SLC25A48: variants seen among roughly 807,000 people sequenced by gnomAD.
The protein encoded by SLC25A48 is CTC-321K16.1.
SLC25A48 carries 29 observed loss-of-function variants against 32.2 expected under a neutral mutation model. The ratio of observed to expected loss-of-function variants is 0.90; its 90% CI spans 0.67 to 1.23. The LOEUF is 1.23. Ranked by LOEUF, SLC25A48 falls within the 50% of genes most tolerant of loss-of-function variation. SLC25A48 has a pLI of 0.00. For missense variants in SLC25A48, 399 were observed against 422.7 expected (o/e 0.94, Z 0.49); for synonymous variants, 164 against 172.3 (o/e 0.95, Z 0.38).
chr5:135,603,483 G>C (rs1490044374), intron 1 of SLC25A48, among the ~76,000 whole-genome samples: 1 of 152,228 alleles, frequency 6.6e-6, no homozygotes, highest in African/African-American at 2.4e-5. Flanking sequence ...GTAGAATCCT[G>C]ATGAGGCAGG....
chr5:135,580,786 T>G (rs1432735650), intron 1 of SLC25A48, among the ~76,000 whole-genome samples: 1 of 152,176 alleles, frequency 6.6e-6, no homozygotes, highest in African/African-American at 2.4e-5. Context: ...GGTGAAATCT[T>G]CCCAAAGCAT....
At chr5:135,802,204 A>T (rs1184300793) in intron 3 of SLC25A48, among the ~76,000 whole-genome samples, 1 of 151,750 alleles carries the variant, frequency 6.6e-6, no homozygotes, top group African/African-American at 2.4e-5. Flanking sequence ...ACTATTCATT[A>T]TATCATAGGG....
At chr5:135,825,318 A>C (rs777445108) in intron 4 of SLC25A48, among the ~76,000 whole-genome samples, 1 of 152,250 alleles carries the variant, frequency 6.6e-6, no homozygotes, top group Non-Finnish European at 1.5e-5. Flanking sequence ...CCAAGGGCAC[A>C]TAGCTAGCAA....
At chr5:135,806,587 AT>A (rs1265689567) in intron 3 of SLC25A48, among the ~76,000 whole-genome samples, 3 of 149,668 alleles carry the variant, frequency 2.0e-5, no homozygotes, top group Admixed American at 2.0e-4. Context: ...AATATCATTG[AT>A]TTTTTAATAT....
rs57138043 is a variant in SLC25A48, at chr5:135,611,496, C to CAAAAAAAA, written c.-848-17717_-848-17710dup. Among the ~76,000 whole-genome samples the CAAAAAAAA allele has an allele frequency of 4.2e-3, 90 of 21,336 alleles. 1 individual carries two copies. Among genetic ancestry groups the CAAAAAAAA allele is most frequent in the Admixed American group, 7.1e-3 (7 of 990 alleles). The allele number at this position is 21,336 out of a possible 152,430, so 14.0% of individuals were successfully genotyped here. On this transcript the variant is annotated intron_variant, in intron 1 of 10. Coordinates refer to the SLC25A48 transcript ENST00000646290. Reference sequence around the variant, plus strand: ...TCGGTGACAGAGCGAGACTCCATCTCAAAAAAAAAAAAAAAAAAAAAAAAA... The same window carrying CAAAAAAAA: ...TCGGTGACAGAGCGAGACTCCATCTCAAAAAAAAAAAAAAAAAAAAAAAAAAAAAAAAA...
intron 3 of SLC25A48, among the ~76,000 whole-genome samples, chr5:135,804,764 C>T (rs978955371): frequency 2.6e-5 from 4 of 151,596 alleles, no homozygotes; most frequent in African/African-American, 9.7e-5. Context: ...CATAAGTGTA[C>T]ACCCTGTGAA....
intron 1 of SLC25A48, among the ~76,000 whole-genome samples, chr5:135,583,350 G>A (rs1751277890): frequency 6.6e-6 from 1 of 152,040 alleles, no homozygotes; most frequent in African/African-American, 2.4e-5. Context: ...AGGTGTCTGG[G>A]CACTACCTCC....
chr5:135,772,661 G>A lies in SLC25A48; in HGVS notation c.-520-39862G>A, dbSNP rs957896524. Among the ~76,000 whole-genome samples, 9 of 150,686 alleles carry A rather than the reference G, an allele frequency of 6.0e-5. No homozygotes were observed. In the Middle Eastern group the frequency reaches 0.011, roughly 181 times the overall value. ...GAGAAAATGATATTAATCCCAAATC[G>A]CCAAGGGTGTACACCTCCCTGTAAT... is the stretch of plus-strand genomic sequence containing the variant. On this transcript the variant is annotated intron_variant, in intron 3 of 10. Transcript: ENST00000646290.
At chr5:135,823,816 A>T (rs1757952917) in intron 4 of SLC25A48, among the ~76,000 whole-genome samples, 1 of 152,200 alleles carries the variant, frequency 6.6e-6, no homozygotes, top group African/African-American at 2.4e-5. Context: ...AAGGAGAAGG[A>T]AGAGACTCTG....
At chr5:135,765,606 CCT>C (rs1756194483) in intron 3 of SLC25A48, among the ~76,000 whole-genome samples, 1 of 151,176 alleles carries the variant, frequency 6.6e-6, no homozygotes. Flanking sequence ...TGTACACCCC[CCT>C]GTGATGTGAT....
intron 6 of SLC25A48, chr5:135,875,853 A>G (rs1455124905): frequency 6.6e-6 from 1 of 152,248 alleles, no homozygotes; most frequent in African/African-American, 2.4e-5. Flanking sequence ...ACCTTTGGTC[A>G]CTACCCATTA....
intron 3 of SLC25A48, among the ~76,000 whole-genome samples, chr5:135,759,165 A>C (rs1300875803): frequency 6.6e-6 from 1 of 152,100 alleles, no homozygotes; most frequent in East Asian, 1.9e-4. Flanking sequence ...TGATATGAAC[A>C]ATATCATCTA....
intron 1 of SLC25A48, among the ~76,000 whole-genome samples, chr5:135,601,540 C>T (rs1751796294): frequency 6.6e-6 from 1 of 152,168 alleles, no homozygotes; most frequent in Non-Finnish European, 1.5e-5. Context: ...TGTCACTCTC[C>T]CCTCTCTCCA....
chr5:135,786,657 A>G (rs535279490), intron 3 of SLC25A48, among the ~76,000 whole-genome samples: 1 of 151,704 alleles, frequency 6.6e-6, no homozygotes, highest in African/African-American at 2.4e-5. Flanking sequence ...TTAGGGGGAT[A>G]TTTCTCCTAA....
intron 3 of SLC25A48, among the ~76,000 whole-genome samples, chr5:135,792,483 G>T (rs571289958): frequency 1.4e-4 from 21 of 151,770 alleles, no homozygotes; most frequent in African/African-American, 5.1e-4. Context: ...ATCTTAGGGG[G>T]TTGTTAATCT....
chr5:135,607,824 T>C (rs1398784918), intron 1 of SLC25A48, among the ~76,000 whole-genome samples: 1 of 152,194 alleles, frequency 6.6e-6, no homozygotes, highest in Non-Finnish European at 1.5e-5. Context: ...TCACCAACAG[T>C]TGAAGTAGGA....
At chr5:135,806,487 A>C (rs1757465936) in intron 3 of SLC25A48, among the ~76,000 whole-genome samples, 1 of 151,366 alleles carries the variant, frequency 6.6e-6, no homozygotes, top group Non-Finnish European at 1.5e-5. Flanking sequence ...AATATCAAAG[A>C]TATTTTATTA....
At chr5:135,684,155 G>A (rs141200269) in intron 3 of SLC25A48, among the ~76,000 whole-genome samples, 156 of 152,296 alleles carry the variant, frequency 1.0e-3, no homozygotes, top group Admixed American at 2.2e-3. Flanking sequence ...AAATCCATGA[G>A]CAGTTTTCCT....
chr5:135,637,447 T>C (rs562037430), intron 3 of SLC25A48, among the ~76,000 whole-genome samples: 1 of 152,324 alleles, frequency 6.6e-6, no homozygotes, highest in South Asian at 2.1e-4. Flanking sequence ...GTTACCAACT[T>C]CAAGAGCTTC....
Sources: allele counts gnomAD v4.1 joint callset (sites outside exome capture counted in the v4.1 genomes callset), GRCh38; gene constraint gnomAD v4.1.1; transcripts MANE v1.5; gene names NCBI Gene and HGNC (gene_info 2026-07-23, HGNC 2026-07-21).